Variants in ANKFN1 observed in about 807,000 individuals in gnomAD.
ANKFN1 encodes ankyrin repeat and fibronectin type III domain containing 1.
A neutral mutation model predicts 108.7 loss-of-function variants in ANKFN1; 74 were observed. That is an observed-to-expected ratio of 0.68 (90% confidence interval 0.56 to 0.83). The LOEUF (loss-of-function observed/expected upper bound fraction) is 0.83. ANKFN1 is among the 40% of genes least tolerant of loss of function. ANKFN1 has a pLI of 0.00. For synonymous variants in ANKFN1, 547 were observed against 516.2 expected (o/e 1.06, Z -0.81); for missense variants, 1,505 against 1,382.3 (o/e 1.09, Z -1.41).
intron 8 of ANKFN1, among the ~76,000 whole-genome samples, 155 bp downstream of exon 8, chr17:56,374,869 T>C (rs957773633): frequency 2.0e-5 from 3 of 152,226 alleles, no homozygotes; most frequent in South Asian, 2.1e-4. Flanking sequence ...TAGGCACTCA[T>C]GTAAAGGAAC....
chr17:56,187,328 T>C (rs1015588283), intron 1 of ANKFN1, among the ~76,000 whole-genome samples: 3 of 152,036 alleles, frequency 2.0e-5, no homozygotes, highest in Admixed American at 2.0e-4. Context: ...AACAGACACA[T>C]GAAAAAATGC....
intron 20 of ANKFN1, among the ~76,000 whole-genome samples, chr17:56,508,982 C>G (rs1220434097): frequency 2.0e-5 from 3 of 152,218 alleles, no homozygotes; most frequent in African/African-American, 7.2e-5. Flanking sequence ...TCTGCCCCAA[C>G]AGCTGGGGCA....
intron 8 of ANKFN1, among the ~76,000 whole-genome samples, chr17:56,391,737 AT>A (rs1466847699): frequency 1.3e-5 from 2 of 152,080 alleles, no homozygotes; most frequent in Non-Finnish European, 2.9e-5. Context: ...AGAATACATA[AT>A]TTTTAAGAGC....
chr17:56,128,748 A>G (rs1332630103), intron 4 of ANKFN1, among the ~76,000 whole-genome samples: 2 of 152,234 alleles, frequency 1.3e-5, no homozygotes, highest in Non-Finnish European at 1.5e-5. Context: ...ATTCTCATAT[A>G]TATCTGACCA....
intron 8 of ANKFN1, among the ~76,000 whole-genome samples, chr17:56,417,591 G>A (rs1276128151): frequency 1.3e-5 from 2 of 152,142 alleles, no homozygotes; most frequent in African/African-American, 2.4e-5. Flanking sequence ...CCCAAGGTAG[G>A]GTTAGTGCAT....
Position 56,198,500 on chromosome 17 carries a change from G to A in ANKFN1, c.-70-14098G>A, listed in dbSNP as rs527938685. Among the ~76,000 whole-genome samples, 384 of 152,222 alleles carry A rather than the reference G, an allele frequency of 2.5e-3. 1 individual carries two copies. The highest frequency in any genetic ancestry group is 8.3e-3 in the African/African-American group (344 of 41,522). On this transcript the variant is annotated intron_variant, in intron 1 of 20. Transcript: ENST00000682825. ...GCTCACCCACTGCTCACCTCCTGCC[G>A]TGTGGCCCCATTCCTAATAGACCAC... is the stretch of plus-strand genomic sequence containing the variant.
intron 4 of ANKFN1, among the ~76,000 whole-genome samples, chr17:56,091,779 T>A (rs1381218725): frequency 6.6e-6 from 1 of 151,450 alleles, no homozygotes; most frequent in East Asian, 1.9e-4. Flanking sequence ...AGAAAACCGC[T>A]TTATTTGAGA....
intron 19 of ANKFN1, among the ~76,000 whole-genome samples, chr17:56,496,901 T>C (rs1302062280): frequency 6.6e-6 from 1 of 152,150 alleles, no homozygotes; most frequent in Non-Finnish European, 1.5e-5. Flanking sequence ...ATTGATAAAG[T>C]ACACTTATCT....
chr17:56,263,991 G>A (rs2043585249), intron 3 of ANKFN1, among the ~76,000 whole-genome samples: 1 of 152,160 alleles, frequency 6.6e-6, no homozygotes, highest in African/African-American at 2.4e-5. Flanking sequence ...AAGAAAGGAG[G>A]AGAGAAAGTG....
intron 4 of ANKFN1, among the ~76,000 whole-genome samples, chr17:56,056,263 AT>A (rs1303930150): frequency 6.6e-6 from 1 of 151,898 alleles, no homozygotes; most frequent in African/African-American, 2.4e-5. Context: ...TACTCTACAG[AT>A]TAACACAATC....
chr17:56,310,478 G>A (rs1434203232), intron 3 of ANKFN1, among the ~76,000 whole-genome samples: 6 of 152,088 alleles, frequency 3.9e-5, no homozygotes, highest in African/African-American at 1.4e-4. Context: ...TTAGCCAGAT[G>A]TGGTGGCAGG....
At chr17:56,281,934 A>T (rs1173286172) in intron 3 of ANKFN1, among the ~76,000 whole-genome samples, 1 of 151,746 alleles carries the variant, frequency 6.6e-6, no homozygotes, top group Non-Finnish European at 1.5e-5. Flanking sequence ...GTAATTGATT[A>T]TAAAATTGAA....
At chr17:56,228,634 A>G (rs1949556739) in intron 3 of ANKFN1, 1 of 152,102 alleles carries the variant, frequency 6.6e-6, no homozygotes, top group African/African-American at 2.4e-5. Flanking sequence ...GGAAAAAAAG[A>G]AAGTTTCATA....
chr17:56,156,300 C>T (rs1567808546), intron 1 of ANKFN1, among the ~76,000 whole-genome samples: 1 of 152,130 alleles, frequency 6.6e-6, no homozygotes, highest in Non-Finnish European at 1.5e-5. Flanking sequence ...GTTGGCCAGA[C>T]TTGTCTCAAA....
At chr17:56,250,549 C>T (rs2043210246) in intron 3 of ANKFN1, among the ~76,000 whole-genome samples, 1 of 152,210 alleles carries the variant, frequency 6.6e-6, no homozygotes, top group Non-Finnish European at 1.5e-5. Flanking sequence ...TCAATTTCTG[C>T]ACACAGAGTA....
intron 4 of ANKFN1, among the ~76,000 whole-genome samples, chr17:56,105,711 C>CTGTGTGTGTGTGTG (rs147924842): frequency 4.4e-4 from 63 of 144,658 alleles, no homozygotes; most frequent in African/African-American, 1.1e-3. Flanking sequence ...GTTTTTTTGT[C>CTGTGTGTGTGTGTG]TGTGTGTGTG....
intron 4 of ANKFN1, among the ~76,000 whole-genome samples, chr17:56,067,342 T>C (rs181753171): frequency 1.5e-3 from 231 of 152,338 alleles, no homozygotes; most frequent in African/African-American, 5.3e-3. Flanking sequence ...TTTAAAATTA[T>C]ATGAGTACTT....
chr17:56,344,225 A>G (rs1349162237), intron 4 of ANKFN1, among the ~76,000 whole-genome samples: 1 of 152,008 alleles, frequency 6.6e-6, no homozygotes, highest in Non-Finnish European at 1.5e-5. Context: ...CCCAGTGTTC[A>G]TTGTTGTTTA....
intron 10 of ANKFN1, among the ~76,000 whole-genome samples, chr17:56,446,675 C>T (rs147874476): frequency 2.1e-4 from 32 of 152,212 alleles, no homozygotes; most frequent in Middle Eastern, 3.4e-3. Flanking sequence ...GAGGCCAAGG[C>T]GGGTGGATCA....
Sources: allele counts gnomAD v4.1 joint callset (sites outside exome capture counted in the v4.1 genomes callset), GRCh38; gene constraint gnomAD v4.1.1; transcripts MANE v1.5; gene names NCBI Gene and HGNC (gene_info 2026-07-23, HGNC 2026-07-21).